The following PHACTR1 variants were observed in gnomAD, a reference collection of about 807,000 sequenced individuals.
PHACTR1 encodes the protein phosphatase and actin regulator 1, also known as RPEL repeat containing 1.
PHACTR1 carries 16 observed loss-of-function variants against 69.2 expected under a neutral mutation model. That is an observed-to-expected ratio of 0.23 (90% CI 0.16 to 0.35). The LOEUF (loss-of-function observed/expected upper bound fraction) is 0.35. Ranked by LOEUF, PHACTR1 falls within the 10% of genes least tolerant of loss-of-function variation. The pLI is 1.00. For synonymous variants in PHACTR1, 312 were observed against 284.5 expected (o/e 1.10, Z -0.97); for missense variants, 510 against 734.7 (o/e 0.69, Z 3.54).
At chr6:12,952,363 C>T (rs1791405012) in intron 4 of PHACTR1, among the ~76,000 whole-genome samples, 1 of 152,178 alleles carries the variant, frequency 6.6e-6, no homozygotes, top group Non-Finnish European at 1.5e-5. Flanking sequence ...TTTCCCTGCC[C>T]TAAAAATCCT....
chr6:12,851,975 C>G (rs1313703276), intron 4 of PHACTR1, among the ~76,000 whole-genome samples: 2 of 152,108 alleles, frequency 1.3e-5, no homozygotes, highest in African/African-American at 4.8e-5. Context: ...GCTGAGATTA[C>G]AGGTACGCGC....
At chr6:13,199,041 C>T (rs530594945) in intron 7 of PHACTR1, among the ~76,000 whole-genome samples, 179 of 152,166 alleles carry the variant, frequency 1.2e-3, no homozygotes, top group African/African-American at 3.9e-3. Flanking sequence ...AGGTGAGGCC[C>T]GGGAATCTGC....
At chr6:12,829,659 A>C (rs1337336589) in intron 4 of PHACTR1, among the ~76,000 whole-genome samples, 1 of 152,020 alleles carries the variant, frequency 6.6e-6, no homozygotes, top group Non-Finnish European at 1.5e-5. Flanking sequence ...AGAAAAGATA[A>C]TAAAAGAAAA....
intron 4 of PHACTR1, among the ~76,000 whole-genome samples, chr6:12,930,558 A>G (rs991477790): frequency 8.5e-5 from 13 of 152,156 alleles, no homozygotes; most frequent in African/African-American, 3.1e-4. Flanking sequence ...ATCTTATCCT[A>G]GGTGGTGAGT....
chr6:13,197,065 T>C (rs2113820616), intron 7 of PHACTR1, among the ~76,000 whole-genome samples: 1 of 152,340 alleles, frequency 6.6e-6, no homozygotes, highest in African/African-American at 2.4e-5. Context: ...TAAGGTACTT[T>C]GCAATTTACA....
intron 4 of PHACTR1, among the ~76,000 whole-genome samples, chr6:12,756,866 G>T (rs1051702038): frequency 1.3e-5 from 2 of 152,152 alleles, no homozygotes; most frequent in Non-Finnish European, 2.9e-5. Context: ...GGTTTAATCA[G>T]AGGTACAGAA....
intron 4 of PHACTR1, among the ~76,000 whole-genome samples, chr6:12,985,086 A>G (rs1017947382): frequency 1.5e-4 from 23 of 152,222 alleles, no homozygotes; most frequent in South Asian, 1.2e-3. Context: ...TCCAACTGAA[A>G]CCAACTAAAA....
At chr6:13,130,882 G>C (rs1328441670) in intron 5 of PHACTR1, among the ~76,000 whole-genome samples, 1 of 151,990 alleles carries the variant, frequency 6.6e-6, no homozygotes, top group Non-Finnish European at 1.5e-5. Flanking sequence ...CAATATCCCT[G>C]ATGAATATAG....
chr6:13,052,323 T>C (rs1015716768), intron 4 of PHACTR1, among the ~76,000 whole-genome samples: 2 of 152,224 alleles, frequency 1.3e-5, no homozygotes, highest in African/African-American at 4.8e-5. Flanking sequence ...TTTTATATGG[T>C]CATTGGCAGG....
In PHACTR1 at chr6:12,832,321, A is replaced by G. The variant is rs542273053; in HGVS notation, c.250+82531A>G. 4.1e-4 allele frequency among the ~76,000 whole-genome samples: 62 copies of G among 152,276 alleles called. 1 individual carries two copies. The highest frequency in any genetic ancestry group is 1.4e-3 in the African/African-American group (57 of 41,572). On this transcript the variant is annotated intron_variant, in intron 4 of 14. Transcript: ENST00000332995. ...AAGAGTCTGAAATGGAATTCATTTC[A>G]TATACCGTAAAACTGAGCTGAATGT...
intron 5 of PHACTR1, among the ~76,000 whole-genome samples, chr6:13,089,342 G>C (rs928126813): frequency 1.9e-4 from 29 of 152,174 alleles, no homozygotes; most frequent in African/African-American, 6.3e-4. Flanking sequence ...GAGGGTGCAG[G>C]CTCTAGGGGG....
At chr6:13,156,454 C>G (rs554019310) in intron 5 of PHACTR1, among the ~76,000 whole-genome samples, 86 of 151,536 alleles carry the variant, frequency 5.7e-4, no homozygotes, top group African/African-American at 2.0e-3. Flanking sequence ...AAGAAATGTA[C>G]TTTCTTTAAT....
intron 4 of PHACTR1, among the ~76,000 whole-genome samples, chr6:13,049,162 T>G (rs1164321795): frequency 2.0e-5 from 3 of 152,250 alleles, no homozygotes; most frequent in Non-Finnish European, 4.4e-5. Flanking sequence ...TAATTTCATA[T>G]CATTATTTTA....
At chr6:13,247,746 C>T (rs553319931) in intron 10 of PHACTR1, among the ~76,000 whole-genome samples, 2 of 152,176 alleles carry the variant, frequency 1.3e-5, no homozygotes, top group Admixed American at 6.5e-5. Context: ...CCCAGCTGCT[C>T]GGGAGACTGA....
At chr6:12,766,801 C>T (rs1768671276) in intron 4 of PHACTR1, among the ~76,000 whole-genome samples, 1 of 152,178 alleles carries the variant, frequency 6.6e-6, no homozygotes, top group South Asian at 2.1e-4. Flanking sequence ...TGGTTTTGCT[C>T]AACCAATTTA....
At chr6:12,838,457 A>T (rs186997333) in intron 4 of PHACTR1, among the ~76,000 whole-genome samples, 1 of 152,352 alleles carries the variant, frequency 6.6e-6, no homozygotes, top group East Asian at 1.9e-4. Context: ...AATCTTGTCT[A>T]TTCAGTTAAA....
intron 4 of PHACTR1, among the ~76,000 whole-genome samples, chr6:12,833,476 C>T (rs933511432): frequency 6.6e-6 from 1 of 152,006 alleles, no homozygotes; most frequent in Non-Finnish European, 1.5e-5. Flanking sequence ...CCAGGCTGGT[C>T]TCAAACTCCT....
At chr6:13,197,508 A>C (rs763741874) in intron 7 of PHACTR1, among the ~76,000 whole-genome samples, 6 of 152,068 alleles carry the variant, frequency 3.9e-5, no homozygotes, top group Non-Finnish European at 8.8e-5. Context: ...TTGGTCTTGG[A>C]GCTGTACTTA....
intron 4 of PHACTR1, among the ~76,000 whole-genome samples, chr6:12,773,997 T>C (rs989509829): frequency 6.6e-6 from 1 of 152,170 alleles, no homozygotes; most frequent in African/African-American, 2.4e-5. Context: ...AGGGTTTCAC[T>C]CTGGGAATCT....
Sources: allele counts gnomAD v4.1 joint callset (sites outside exome capture counted in the v4.1 genomes callset), GRCh38; gene constraint gnomAD v4.1.1; transcripts MANE v1.5; gene names NCBI Gene and HGNC (gene_info 2026-07-23, HGNC 2026-07-21).